ZNF143: variants seen among roughly 807,000 people sequenced by gnomAD.
The protein encoded by ZNF143 is SPH-binding factor.
A neutral mutation model predicts 74.1 loss-of-function variants in ZNF143; 49 were observed. The ratio of observed to expected loss-of-function variants is 0.66; its 90% CI spans 0.53 to 0.84. The LOEUF (loss-of-function observed/expected upper bound fraction) is 0.84. Among genes scored for constraint, ZNF143 ranks in the 40% least tolerant of loss-of-function variants. The probability of loss-of-function intolerance (pLI) is 0.00; values close to 1 mark genes in which losing one functional copy is unlikely to be tolerated. For synonymous variants in ZNF143, 304 were observed against 282.8 expected (o/e 1.07, Z -0.75); for missense variants, 637 against 793.4 (o/e 0.80, Z 2.37).
At position 9,471,289 on chromosome 11, in the gene ZNF143, A is replaced by G. The variant is rs750916222; in HGVS notation, c.-7-13A>G. On this transcript the variant is annotated splice_polypyrimidine_tract_variant and intron_variant, in intron 1 of 15. Transcript: ENST00000396602. ...TCATTCTTTGTTCCCAAGTGTCTTT[A>G]TTTTTCTTCAAGGTAGAAGATGTTG... The G allele has an allele frequency of 5.1e-6, 8 of 1,581,204 alleles. No individual in the cohort carries two copies. Among genetic ancestry groups the G allele is most frequent in the South Asian group, 1.2e-5 (1 of 85,924 alleles).
chr11:9,474,445 A>C, intron 4 of ZNF143, 105 bp from the exon 5 acceptor site: 1 of 1,114,676 alleles, frequency 9.0e-7, no homozygotes, highest in Non-Finnish European at 1.3e-6. Flanking sequence ...TGAAGCAAGT[A>C]TAGATTGTTA....
At chr11:9,515,841 C>T (rs948083622) in intron 13 of ZNF143, among the ~76,000 whole-genome samples, 4 of 151,202 alleles carry the variant, frequency 2.6e-5, no homozygotes, top group East Asian at 1.9e-4. Context: ...AGTAATTAGT[C>T]GGGAGCAATG....
chr11:9,499,810 A>G (rs530479469), intron 10 of ZNF143, among the ~76,000 whole-genome samples: 1 of 152,332 alleles, frequency 6.6e-6, no homozygotes, highest in East Asian at 1.9e-4. Context: ...TTGTTTGCCT[A>G]ATTTGAGCTC....
intron 12 of ZNF143, among the ~76,000 whole-genome samples, chr11:9,509,055 A>G (rs1422829523): frequency 1.3e-5 from 2 of 152,182 alleles, no homozygotes; most frequent in East Asian, 3.8e-4. Context: ...GAGGTCAAGG[A>G]AGGGATTTTT....
chr11:9,511,852 T>C (rs896860252), intron 12 of ZNF143, among the ~76,000 whole-genome samples: 17 of 149,068 alleles, frequency 1.1e-4, no homozygotes, highest in African/African-American at 3.2e-4. Flanking sequence ...CCCGGGTTCA[T>C]GCCATTCTCC....
At chr11:9,515,308 T>C (rs1002573814) in intron 13 of ZNF143, among the ~76,000 whole-genome samples, 2 of 151,496 alleles carry the variant, frequency 1.3e-5, no homozygotes, top group Non-Finnish European at 2.9e-5. Flanking sequence ...GGGAGAAAAA[T>C]AAGGATCTAA....
chr11:9,480,247 T>A (rs150602788), intron 7 of ZNF143, among the ~76,000 whole-genome samples: 1 of 152,242 alleles, frequency 6.6e-6, no homozygotes, highest in African/African-American at 2.4e-5. Context: ...TCAAAACTTA[T>A]GTTATTCAAG....
chr11:9,471,747 T>A (rs1856585799), intron 2 of ZNF143, among the ~76,000 whole-genome samples: 1 of 152,058 alleles, frequency 6.6e-6, no homozygotes, highest in Non-Finnish European at 1.5e-5. Flanking sequence ...AGACGGGGTT[T>A]CACCACGTTG....
intron 5 of ZNF143, among the ~76,000 whole-genome samples, chr11:9,477,169 T>TCCTTCCTTCCTC (rs1565029307): frequency 7.9e-6 from 1 of 126,760 alleles, no homozygotes; most frequent in Admixed American, 7.9e-5. Flanking sequence ...CTTCCTTCCT[T>TCCTTCCTTCCTC]CCTCCTCTCC....
Position 9,474,651 on chromosome 11 carries a change from G to A in ZNF143, c.373+18G>A, listed in dbSNP as rs1707851145. On this transcript the variant is annotated intron_variant, in intron 5 of 15. Coordinates refer to ENST00000396602, the MANE Select transcript of ZNF143 (RefSeq NM_003442.6). ...CTCCAAAGGTAAAATAACTTTGAAAGTATGAATAAAATAAGGGAGAAGTGG... is the reference window on the plus strand; with the variant it reads ...CTCCAAAGGTAAAATAACTTTGAAAATATGAATAAAATAAGGGAGAAGTGG... 6.2e-7 allele frequency: 1 copy of A among 1,611,538 alleles called. No homozygotes were observed. Among genetic ancestry groups the A allele is most frequent in the Non-Finnish European group, 8.5e-7 (1 of 1,177,840 alleles).
chr11:9,521,242 C>T (rs554187159), intron 14 of ZNF143, among the ~76,000 whole-genome samples: 1 of 152,198 alleles, frequency 6.6e-6, no homozygotes, highest in Non-Finnish European at 1.5e-5. Context: ...ATACATCTAT[C>T]AATAGAGGAT....
chr11:9,481,139 A>G (rs1847221169), intron 7 of ZNF143, among the ~76,000 whole-genome samples: 2 of 152,090 alleles, frequency 1.3e-5, no homozygotes, highest in African/African-American at 2.4e-5. Flanking sequence ...TGTAATCACA[A>G]TACTTTGAGA....
rs756226337 is a variant in ZNF143, at chr11:9,501,365, T to G, written c.1147+95T>G. 2.9e-4 allele frequency: 397 copies of G among 1,385,060 alleles called. 1 individual carries two copies. Among genetic ancestry groups the G allele is most frequent in the Non-Finnish European group, 2.4e-4 (240 of 1,012,810 alleles). The allele number at this position is 1,385,060 out of a possible 1,614,324, so 85.8% of individuals were successfully genotyped here. On this transcript the variant is annotated intron_variant, in intron 11 of 15. Transcript: ENST00000396602. The stretch of plus-strand genomic sequence containing the variant: ...CATTTCCAACTAATCTCTTCCCTCC[T>G]TTCTATCACTTGGCATGGTGGAAAG...
At chr11:9,468,644 A>G (rs1031182797) in intron 1 of ZNF143, among the ~76,000 whole-genome samples, 1 of 152,180 alleles carries the variant, frequency 6.6e-6, no homozygotes. Context: ...ACTTCACTGA[A>G]TTATATTTAA....
At chr11:9,522,440 C>T (rs1344540697) in intron 14 of ZNF143, among the ~76,000 whole-genome samples, 1 of 152,030 alleles carries the variant, frequency 6.6e-6, no homozygotes, top group Non-Finnish European at 1.5e-5. Context: ...ACTCTAGTTA[C>T]ATGTATATTA....
chr11:9,481,997 G>A (rs1847258996), intron 7 of ZNF143, among the ~76,000 whole-genome samples: 1 of 135,668 alleles, frequency 7.4e-6, no homozygotes, highest in Non-Finnish European at 1.6e-5. Flanking sequence ...TTGAGGTGGA[G>A]TCTCACTCTG....
At chr11:9,515,819 A>C (rs1183238784) in intron 13 of ZNF143, among the ~76,000 whole-genome samples, 1 of 151,826 alleles carries the variant, frequency 6.6e-6, no homozygotes, top group Non-Finnish European at 1.5e-5. Flanking sequence ...CATGTCTACA[A>C]AAAAAATGAC....
intron 14 of ZNF143, among the ~76,000 whole-genome samples, chr11:9,522,134 T>A (rs1181207587): frequency 6.6e-6 from 1 of 151,798 alleles, no homozygotes; most frequent in African/African-American, 2.4e-5. Context: ...TTTAAATGCT[T>A]GTATTGGAAA....
In ZNF143 at chr11:9,516,135, C is replaced by G. The variant is rs1188565018; in HGVS notation, c.1525-66C>G. 6.5e-6 allele frequency: 10 copies of G among 1,532,362 alleles called. No homozygotes were observed. The East Asian group carries it at 2.0e-4, about 31-fold the overall frequency. The allele number at this position is 1,532,362 out of a possible 1,614,324, so 94.9% of individuals were successfully genotyped here. On this transcript the variant is annotated intron_variant, in intron 13 of 15. Coordinates refer to ENST00000396602, the MANE Select transcript of ZNF143 (RefSeq NM_003442.6). ...AACTTATACAAGGATTAGTCCTGGTCCTTATGGAAGATTGTCAGCTATAAC... is the reference window on the plus strand; with the variant it reads ...AACTTATACAAGGATTAGTCCTGGTGCTTATGGAAGATTGTCAGCTATAAC...
Sources: gnomAD v4.1 joint callset for allele counts (sites outside exome capture counted in the v4.1 genomes callset) on GRCh38, gnomAD v4.1.1 for gene constraint, MANE v1.5 for transcripts, NCBI Gene and HGNC (gene_info 2026-07-23, HGNC 2026-07-21) for gene names.